The following PTPN3 variants were observed in gnomAD, a reference collection of about 807,000 sequenced individuals.
The protein encoded by PTPN3 is tyrosine-protein phosphatase non-receptor type 3.
In PTPN3, 96 loss-of-function variants were observed where a neutral mutation model predicts 132.7. The observed-to-expected ratio is 0.72, with a 90% confidence interval of 0.61 to 0.86. The LOEUF is 0.86. Ranked by LOEUF, PTPN3 falls within the 40% of genes least tolerant of loss-of-function variation. The probability of loss-of-function intolerance (pLI) is 0.00; values close to 1 mark genes in which losing one functional copy is unlikely to be tolerated. For synonymous variants in PTPN3, 398 were observed against 429.0 expected, an observed-to-expected ratio of 0.93 and a Z score of 0.89; for missense variants, 1,125 against 1,159.6, an observed-to-expected ratio of 0.97 and a Z score of 0.43.
chr9:109,406,757 T>C (rs768881671), intron 17 of PTPN3, 139 bp from the exon 18 acceptor site: 14 of 978,578 alleles, frequency 1.4e-5, no homozygotes, highest in African/African-American at 6.4e-5. Flanking sequence ...CTGTCATTAT[T>C]TGTATAATGC....
At position 109,427,660 on chromosome 9, in the gene PTPN3, C is replaced by T. The variant is rs114692396; in HGVS notation, c.829-538G>A. On this transcript the variant is annotated intron_variant, in intron 11 of 25. Coordinates refer to ENST00000374541, the MANE Select transcript of PTPN3 (RefSeq NM_002829.4). ...GTTTTCTGTTTTCATGTTAAATTGCCGTCTTATACATTTTTGTGCCACCCT... is the reference window on the plus strand; with the variant it reads ...GTTTTCTGTTTTCATGTTAAATTGCTGTCTTATACATTTTTGTGCCACCCT... Among the ~76,000 whole-genome samples, 990 of 152,256 alleles carry T rather than the reference C, an allele frequency of 6.5e-3. 7 individuals carry two copies. The highest frequency in any genetic ancestry group is 0.023 in the African/African-American group (952 of 41,542).
chr9:109,377,132 C>T lies in PTPN3; in HGVS notation c.*2424G>A, dbSNP rs1384023102. The T allele has an allele frequency of 1.3e-5, 2 of 152,188 alleles. No individual in the cohort carries two copies. Among genetic ancestry groups the T allele is most frequent in the Admixed American group, 1.3e-4 (2 of 15,282 alleles). 9.4% of individuals were successfully genotyped at this position (152,188 alleles called of 1,614,324 possible). ...AAACAGTAATAACTTGCTAAATATC[C>T]TAATGGCATTTAAATTTTTGCCAGC... On this transcript the variant is annotated 3_prime_UTR_variant, in exon 26 of 26. Transcript: ENST00000374541.
chr9:109,458,665 C>T (rs1477300569), intron 2 of PTPN3, among the ~76,000 whole-genome samples: 1 of 152,096 alleles, frequency 6.6e-6, no homozygotes, highest in African/African-American at 2.4e-5. Context: ...CTGAACATGC[C>T]CCCTTTCCTG....
chr9:109,503,136 C>T (rs1158473227), upstream of PTPN3, among the ~76,000 whole-genome samples: 4 of 152,114 alleles, frequency 2.6e-5, no homozygotes, highest in Admixed American at 1.3e-4. Context: ...AAAATGACTA[C>T]TCCAGAATTG....
intron 25 of PTPN3, 67 bp from the exon 26 acceptor site, chr9:109,379,700 C>T (rs375172438): frequency 1.0e-5 from 14 of 1,344,682 alleles, no homozygotes; most frequent in East Asian, 4.6e-5. Flanking sequence ...CACCCTGTAC[C>T]GGTGGGTCTT....
chr9:109,399,630 CT>C (rs75288268), intron 19 of PTPN3, among the ~76,000 whole-genome samples: 37,540 of 149,300 alleles, frequency 0.25, 4,906 homozygotes, highest in Non-Finnish European at 0.29. Context: ...ACAGGAGGGA[CT>C]TTTTTTTCAT....
intron 10 of PTPN3, among the ~76,000 whole-genome samples, chr9:109,431,710 T>C (rs902429395): frequency 6.6e-5 from 10 of 152,262 alleles, no homozygotes; most frequent in African/African-American, 2.2e-4. Context: ...TAAGTATGTA[T>C]GCTACTTAAG....
chr9:109,454,515 G>A lies in PTPN3; in HGVS notation c.349C>T (p.Leu117=). The A allele has an allele frequency of 1.2e-6, 2 of 1,613,274 alleles. No homozygotes were observed. The highest frequency in any genetic ancestry group is 1.7e-6 in the Non-Finnish European group (2 of 1,179,782). Residue 117 remains leucine (L), a synonymous_variant, in exon 5 of 26, where the codon CTG becomes TTG. Coordinates refer to ENST00000374541, the MANE Select transcript of PTPN3 (RefSeq NM_002829.4). ...TGTTACCTGGTTTGTTCTTGCTGCA[G>A]TGTGTTGGGATCAGGTATAAAAAAT... ...VRFFIPDPNT[L]QQEQTRHLYF...
the PTPN3 span, chr9:109,534,340 G>C: frequency 4.0e-5 from 60 of 1,513,674 alleles, no homozygotes; most frequent in African/African-American, 4.0e-4. Flanking sequence ...CAAGGTTGTG[G>C]TGATGGTGAC....
intron 5 of PTPN3, chr9:109,450,168 T>C: frequency 1.0e-6 from 1 of 985,086 alleles, no homozygotes; most frequent in Non-Finnish European, 1.2e-6. Context: ...ATTACTTTGA[T>C]TATAATTAAC....
At chr9:109,537,373 A>T in the PTPN3 span, among the ~76,000 whole-genome samples, 1 of 152,352 alleles carries the variant, frequency 6.6e-6, no homozygotes, top group Middle Eastern at 3.4e-3. Flanking sequence ...TAGAATTGTC[A>T]AACATTTTTA....
At chr9:109,426,814 T>C (rs896859468) in intron 12 of PTPN3, 136 bp downstream of exon 12, 32 of 951,910 alleles carry the variant, frequency 3.4e-5, no homozygotes, top group Non-Finnish European at 3.9e-5. Flanking sequence ...CTTTTAGTTA[T>C]GGTTCAGAGA....
rs1485781342 is a variant in PTPN3 at position 109,377,334 on chromosome 9, G to C, written c.*2222C>G. 2 of 151,536 alleles carry C rather than the reference G, an allele frequency of 1.3e-5. No individual in the cohort carries two copies. Among genetic ancestry groups the C allele is most frequent in the Non-Finnish European group, 2.9e-5 (2 of 68,186 alleles). 9.4% of individuals were successfully genotyped at this position (151,536 alleles called of 1,614,324 possible). A position where few individuals can be genotyped will look rare whatever the true frequency, so the allele number is the denominator to read the frequency against. On this transcript the variant is annotated 3_prime_UTR_variant, in exon 26 of 26. Transcript: ENST00000374541. ...CCAACAGTTTTGGAGGCTGAGGTGG[G>C]AAGATCACTTGAGGCCAGGAGTTTG... is the stretch of plus-strand genomic sequence containing the variant.
chr9:109,415,989 G>A (rs974415457), intron 14 of PTPN3, among the ~76,000 whole-genome samples: 1 of 152,188 alleles, frequency 6.6e-6, no homozygotes, highest in Non-Finnish European at 1.5e-5. Context: ...CCCTGTCCCT[G>A]CCTGGTGTCC....
At chr9:109,425,535 A>G (rs998667210) in intron 12 of PTPN3, among the ~76,000 whole-genome samples, 2 of 151,622 alleles carry the variant, frequency 1.3e-5, no homozygotes, top group Non-Finnish European at 2.9e-5. Context: ...ATGTGGTGAA[A>G]CCCTGTCTCT....
chr9:109,453,938 C>G (rs528738603), intron 5 of PTPN3, among the ~76,000 whole-genome samples: 1 of 152,056 alleles, frequency 6.6e-6, no homozygotes, highest in African/African-American at 2.4e-5. Flanking sequence ...TCGCTTGAAC[C>G]TGGGAGGCGG....
the PTPN3 span, chr9:109,533,683 T>G: frequency 6.7e-7 from 1 of 1,484,368 alleles, no homozygotes; most frequent in Admixed American, 1.8e-5. Flanking sequence ...CCTCCATCAC[T>G]TCTCCCTGCA....
rs200538569 is a variant in PTPN3 at position 109,457,162 on chromosome 9, A to T, written c.289+11T>A. On this transcript the variant is annotated intron_variant, in intron 4 of 25. Coordinates refer to ENST00000374541, the MANE Select transcript of PTPN3 (RefSeq NM_002829.4). ...CCTAATGTTCGACTGAAATGAAAAG[A>T]TCACACCAACCTTTTAACTGCTTCC... The T allele has an allele frequency of 3.6e-5, 58 of 1,612,574 alleles. No individual in the cohort carries two copies. Among genetic ancestry groups the T allele is most frequent in the Admixed American group, 1.7e-5 (1 of 60,000 alleles).
intron 7 of PTPN3, among the ~76,000 whole-genome samples, chr9:109,439,276 A>G (rs1173497124): frequency 2.0e-5 from 3 of 152,160 alleles, no homozygotes; most frequent in Admixed American, 6.5e-5. Context: ...TTTGTCTAAA[A>G]ACAGAATTGA....
Sources: allele counts gnomAD v4.1 joint callset (sites outside exome capture counted in the v4.1 genomes callset), GRCh38; gene constraint gnomAD v4.1.1; transcripts MANE v1.5; gene names NCBI Gene and HGNC (gene_info 2026-07-23, HGNC 2026-07-21).